The following KCNQ1OT1 variants were observed in gnomAD, a reference collection of about 807,000 sequenced individuals.
KCNQ1OT1 encodes KCNQ1 opposite strand/antisense transcript 1.
exon 1 of KCNQ1OT1, chr11:2,637,111 T>C (rs1412912942): frequency 6.6e-6 from 1 of 152,212 alleles, no homozygotes; most frequent in Non-Finnish European, 1.5e-5. Flanking sequence ...ATCAATTTTG[T>C]TGATCTTTTC....
Position 2,677,757 on chromosome 11 carries a change from A to G in KCNQ1OT1, n.22238T>C, listed in dbSNP as rs1850318999. On this transcript the variant is annotated non_coding_transcript_exon_variant, in exon 1 of 1. Transcript: ENST00000597346. The surrounding 1 kb of genome is among the most constrained non-coding windows in gnomAD (Gnocchi z 4.5). ...TTTGGTCTCCGTTTTCAGTGGATTT[A>G]CTTTAAGAGATCCTCCCTTTCCCCC... The G allele has an allele frequency of 2.5e-6, 1 of 398,418 alleles. No homozygotes were observed. The highest frequency in any genetic ancestry group is 2.1e-5 in the African/African-American group (1 of 48,618). 24.7% of individuals were successfully genotyped at this position (398,418 alleles called of 1,614,324 possible).
chr11:2,664,519 C>T lies in KCNQ1OT1; in HGVS notation n.35476G>A, dbSNP rs374249447. ...GGCAGCAGTGGGCACCCTGTTTCCT[C>T]AGGGCCCAAACCGCCTGGCGGCAGG... On this transcript the variant is annotated non_coding_transcript_exon_variant, in exon 1 of 1. Coordinates refer to ENST00000597346, the Ensembl canonical transcript of KCNQ1OT1. The surrounding 1 kb of genome is among the most constrained non-coding windows in gnomAD (Gnocchi z 5.1). 8 of 398,654 alleles carry T rather than the reference C, an allele frequency of 2.0e-5. No homozygotes were observed. Among genetic ancestry groups the T allele is most frequent in the East Asian group, 7.1e-5 (2 of 28,090 alleles). 24.7% of individuals were successfully genotyped at this position (398,654 alleles called of 1,614,324 possible).
At position 2,640,114 on chromosome 11, in the gene KCNQ1OT1, C is replaced by T. The variant is rs886955314; in HGVS notation, n.59881G>A. 62 of 297,950 alleles carry T rather than the reference C, an allele frequency of 2.1e-4. 1 individual carries two copies. The highest frequency in any genetic ancestry group is 9.1e-4 in the Middle Eastern group (1 of 1,098). The allele number at this position is 297,950 out of a possible 1,614,324, so 18.5% of individuals were successfully genotyped here. On this transcript the variant is annotated non_coding_transcript_exon_variant, in exon 1 of 1. Coordinates refer to ENST00000597346, the Ensembl canonical transcript of KCNQ1OT1. ...TCCAGGTGCCGTCTGTCACCCCTTC[C>T]GTTGGCTAGGAAAGGGAATTCCCTG...
At chr11:2,686,283 G>A in exon 1 of KCNQ1OT1, 1 of 398,724 alleles carries the variant, frequency 2.5e-6, no homozygotes, top group Non-Finnish European at 4.4e-6. Context: ...CCACTGGCTT[G>A]GGAGGCCAGA....
chr11:2,657,885 T>C lies in KCNQ1OT1; in HGVS notation n.42110A>G. 1 of 398,588 alleles carries C rather than the reference T, an allele frequency of 2.5e-6. No homozygotes were observed. The highest frequency in any genetic ancestry group is 3.6e-5 in the East Asian group (1 of 28,078). The allele number at this position is 398,588 out of a possible 1,614,324, so 24.7% of individuals were successfully genotyped here. On this transcript the variant is annotated non_coding_transcript_exon_variant, in exon 1 of 1. Transcript: ENST00000597346. The surrounding 1 kb of genome is among the most constrained non-coding windows in gnomAD (Gnocchi z 4.8). ...GTTTAGGGGAAGGAGGCCAGTGAGG[T>C]GAGATGCTTTCCTCATTGTGGAACA...
In KCNQ1OT1 at chr11:2,659,168, G is replaced by A; in HGVS notation, n.40827C>T. Reference sequence around the variant, plus strand: ...TTTGAGATTCAGTTCTGTGGGTTTTGACAGATGTCTGGAGTCATGTGTCCA... The same window carrying A: ...TTTGAGATTCAGTTCTGTGGGTTTTAACAGATGTCTGGAGTCATGTGTCCA... On this transcript the variant is annotated non_coding_transcript_exon_variant, in exon 1 of 1. Coordinates refer to ENST00000597346, the Ensembl canonical transcript of KCNQ1OT1. This position sits in a 1 kb window ranked among gnomAD's most constrained non-coding sequence, Gnocchi z 4.3. The A allele has an allele frequency of 2.5e-6, 1 of 398,580 alleles. No homozygotes were observed. The allele number at this position is 398,580 out of a possible 1,614,324, so 24.7% of individuals were successfully genotyped here. A position where few individuals can be genotyped will look rare whatever the true frequency, so the allele number is the denominator to read the frequency against.
In KCNQ1OT1 at chr11:2,642,677, C is replaced by T. The variant is rs1035169956; in HGVS notation, n.57318G>A. On this transcript the variant is annotated non_coding_transcript_exon_variant, in exon 1 of 1. Coordinates refer to ENST00000597346, the Ensembl canonical transcript of KCNQ1OT1. This position sits in a 1 kb window ranked among gnomAD's most constrained non-coding sequence, Gnocchi z 4.3. ...TCTTGTTTAGTTCTGCTCTGATCTT[C>T]GTTATTTCTTTCCTTCTACTAATTT... The T allele has an allele frequency of 2.8e-5, 11 of 397,442 alleles. No homozygotes were observed. The highest frequency in any genetic ancestry group is 4.4e-5 in the Non-Finnish European group (10 of 225,536). 24.6% of individuals were successfully genotyped at this position (397,442 alleles called of 1,614,324 possible).
At position 2,661,701 on chromosome 11, in the gene KCNQ1OT1, C is replaced by A; in HGVS notation, n.38294G>T. ...GTGGGGAGAGTCTTGGACACCTGAG[C>A]ACAGCCCCAGGCACAGTTACCACTC... On this transcript the variant is annotated non_coding_transcript_exon_variant, in exon 1 of 1. Coordinates refer to ENST00000597346, the Ensembl canonical transcript of KCNQ1OT1. The surrounding 1 kb of genome is among the most constrained non-coding windows in gnomAD (Gnocchi z 5.9). The A allele has an allele frequency of 1.7e-6, 1 of 605,864 alleles. No individual in the cohort carries two copies. Among genetic ancestry groups the A allele is most frequent in the Non-Finnish European group, 2.9e-6 (1 of 339,400 alleles). The allele number at this position is 605,864 out of a possible 1,614,324, so 37.5% of individuals were successfully genotyped here.
exon 1 of KCNQ1OT1, chr11:2,618,168 C>A (rs1026849195): frequency 1.0e-5 from 4 of 398,264 alleles, no homozygotes; most frequent in Non-Finnish European, 1.3e-5. Flanking sequence ...ATGTTTAGGT[C>A]TTTTATCCAT....
Position 2,679,412 on chromosome 11 carries a change from A to T in KCNQ1OT1, n.20583T>A. The T allele has an allele frequency of 2.5e-6, 1 of 398,670 alleles. No homozygotes were observed. The highest frequency in any genetic ancestry group is 4.4e-6 in the Non-Finnish European group (1 of 226,076). 24.7% of individuals were successfully genotyped at this position (398,670 alleles called of 1,614,324 possible). Reference sequence around the variant, plus strand: ...TTATTTGTAAAATGGGAATCATAAGAGTACCTTCCTCAGAGGGTTGTTAGG... The same window carrying T: ...TTATTTGTAAAATGGGAATCATAAGTGTACCTTCCTCAGAGGGTTGTTAGG... On this transcript the variant is annotated non_coding_transcript_exon_variant, in exon 1 of 1. Transcript: ENST00000597346. This position sits in a 1 kb window ranked among gnomAD's most constrained non-coding sequence, Gnocchi z 4.8.
At position 2,623,114 on chromosome 11, in the gene KCNQ1OT1, G is replaced by C. The variant is rs190960644; in HGVS notation, n.76881C>G. Reference sequence around the variant, plus strand: ...AGATCTGGTTGTTTAAACGTGTGTGGCACTTCCCATCTCACTTTCTTTCCC... The same window carrying C: ...AGATCTGGTTGTTTAAACGTGTGTGCCACTTCCCATCTCACTTTCTTTCCC... On this transcript the variant is annotated non_coding_transcript_exon_variant, in exon 1 of 1. Coordinates refer to ENST00000597346, the Ensembl canonical transcript of KCNQ1OT1. The surrounding 1 kb of genome is among the most constrained non-coding windows in gnomAD (Gnocchi z 5.2). 5,148 of 398,566 alleles carry C rather than the reference G, an allele frequency of 0.013. 157 individuals carry two copies. The highest frequency in any genetic ancestry group is 0.081 in the East Asian group (2,284 of 28,066). The allele number at this position is 398,566 out of a possible 1,614,324, so 24.7% of individuals were successfully genotyped here.
Position 2,617,567 on chromosome 11 carries a change from G to C in KCNQ1OT1, n.82428C>G, listed in dbSNP as rs1488761829. On this transcript the variant is annotated non_coding_transcript_exon_variant, in exon 1 of 1. Transcript: ENST00000597346. This position sits in a 1 kb window ranked among gnomAD's most constrained non-coding sequence, Gnocchi z 4.6. ...ATGAGGTGGAGATTTCATTTTCTTT[G>C]GGAATATACCTAGAAGAGGGATTAG... The C allele has an allele frequency of 2.5e-6, 1 of 398,216 alleles. No individual in the cohort carries two copies. The highest frequency in any genetic ancestry group is 4.4e-6 in the Non-Finnish European group (1 of 225,924). 24.7% of individuals were successfully genotyped at this position (398,216 alleles called of 1,614,324 possible).
At chr11:2,616,430 T>A (rs574697653) in exon 1 of KCNQ1OT1, 3 of 397,920 alleles carry the variant, frequency 7.5e-6, no homozygotes, top group Non-Finnish European at 1.3e-5. Flanking sequence ...ATTCTCTCTT[T>A]TAACTTTAGG....
In KCNQ1OT1 at chr11:2,611,977, T is replaced by C. The variant is rs1848985371; in HGVS notation, n.88018A>G. 2.5e-6 allele frequency: 1 copy of C among 398,544 alleles called. No individual in the cohort carries two copies. The highest frequency in any genetic ancestry group is 4.4e-6 in the Non-Finnish European group (1 of 226,074). The allele number at this position is 398,544 out of a possible 1,614,324, so 24.7% of individuals were successfully genotyped here. The stretch of plus-strand genomic sequence containing the variant: ...ATTTTTGTCTGCCCTATTCTCTCCT[T>C]CTCAGTACTCTTATTAACACATATG... On this transcript the variant is annotated non_coding_transcript_exon_variant, in exon 1 of 1. Transcript: ENST00000597346. This position sits in a 1 kb window ranked among gnomAD's most constrained non-coding sequence, Gnocchi z 5.3.
exon 1 of KCNQ1OT1, chr11:2,628,576 T>C (rs1482721004): frequency 2.5e-6 from 1 of 398,474 alleles, no homozygotes; most frequent in Non-Finnish European, 4.4e-6. Flanking sequence ...AAATATTTTC[T>C]CCCGCTACAT....
chr11:2,669,979 C>T lies in KCNQ1OT1; in HGVS notation n.30016G>A. 2.5e-6 allele frequency: 1 copy of T among 398,686 alleles called. No homozygotes were observed. The highest frequency in any genetic ancestry group is 4.4e-6 in the Non-Finnish European group (1 of 226,168). The allele number at this position is 398,686 out of a possible 1,614,324, so 24.7% of individuals were successfully genotyped here. A position where few individuals can be genotyped will look rare whatever the true frequency, so the allele number is the denominator to read the frequency against. On this transcript the variant is annotated non_coding_transcript_exon_variant, in exon 1 of 1. Coordinates refer to ENST00000597346, the Ensembl canonical transcript of KCNQ1OT1. This position sits in a 1 kb window ranked among gnomAD's most constrained non-coding sequence, Gnocchi z 5.6. ...AAGTCTAGAGGTCCCCAAGTCACAA[C>T]CTCAAATCTCGGAATGGGGTTCAGG...
In KCNQ1OT1 at chr11:2,673,223, C is replaced by G; in HGVS notation, n.26772G>C. On this transcript the variant is annotated non_coding_transcript_exon_variant, in exon 1 of 1. Coordinates refer to ENST00000597346, the Ensembl canonical transcript of KCNQ1OT1. The surrounding 1 kb of genome is among the most constrained non-coding windows in gnomAD (Gnocchi z 4.5). Reference sequence around the variant, plus strand: ...GAACTGTGACTAGGCAAGCTGAGTCCCCTGTAGATTCTGGGGACTGGGTGA... The same window carrying G: ...GAACTGTGACTAGGCAAGCTGAGTCGCCTGTAGATTCTGGGGACTGGGTGA... 1 of 398,666 alleles carries G rather than the reference C, an allele frequency of 2.5e-6. No homozygotes were observed. The highest frequency in any genetic ancestry group is 3.6e-5 in the East Asian group (1 of 28,068). The allele number at this position is 398,666 out of a possible 1,614,324, so 24.7% of individuals were successfully genotyped here.
chr11:2,628,885 T>A (rs1229735565), exon 1 of KCNQ1OT1: 1 of 398,280 alleles, frequency 2.5e-6, no homozygotes, highest in African/African-American at 2.1e-5. Flanking sequence ...CTTTCCCCAT[T>A]GTGTACTCTT....
At chr11:2,697,066 A>T (rs576843213) in exon 1 of KCNQ1OT1, 1 of 398,570 alleles carries the variant, frequency 2.5e-6, no homozygotes, top group Admixed American at 4.4e-5. Context: ...AAACATTTTC[A>T]TAATAATACT....
Sources: allele counts gnomAD v4.1 joint callset, GRCh38; gene constraint gnomAD v4.1.1; non-coding constraint Gnocchi (gnomAD v3.1); transcripts MANE v1.5; gene names NCBI Gene and HGNC (gene_info 2026-07-23, HGNC 2026-07-21).